RBFOX1: variants seen among roughly 807,000 people sequenced by gnomAD.
The protein encoded by RBFOX1 is RNA binding protein fox-1 homolog 1.
RBFOX1 carries 8 observed loss-of-function variants against 57.7 expected under a neutral mutation model. The observed-to-expected ratio is 0.14, with a 90% confidence interval of 0.08 to 0.25. The LOEUF (loss-of-function observed/expected upper bound fraction) is 0.25. Among genes scored for constraint, RBFOX1 ranks in the 10% least tolerant of loss-of-function variants. RBFOX1 has a pLI of 1.00. For synonymous variants in RBFOX1, 326 were observed against 222.4 expected (o/e 1.47, Z -4.15); for missense variants, 611 against 548.5 (o/e 1.11, Z -1.14).
intron 3 of RBFOX1, among the ~76,000 whole-genome samples, chr16:5,654,939 G>A (rs1173153659): frequency 6.6e-6 from 1 of 152,028 alleles, no homozygotes; most frequent in Non-Finnish European, 1.5e-5. Context: ...CAGCATCCAG[G>A]ACAGCTCCCC....
chr16:6,750,998 G>C (rs1310166606), intron 3 of RBFOX1, among the ~76,000 whole-genome samples: 1 of 152,084 alleles, frequency 6.6e-6, no homozygotes, highest in Non-Finnish European at 1.5e-5. Flanking sequence ...AAAGAGGAAG[G>C]ATCATTAGAA....
intron 13 of RBFOX1, among the ~76,000 whole-genome samples, chr16:7,671,029 C>T (rs982537637): frequency 5.3e-5 from 8 of 152,120 alleles, no homozygotes; most frequent in Admixed American, 5.2e-4. Context: ...TAAAAGGAGC[C>T]ATCGTAGCTT....
chr16:5,543,931 A>T (rs559555580), intron 2 of RBFOX1, among the ~76,000 whole-genome samples: 134 of 152,348 alleles, frequency 8.8e-4, no homozygotes, highest in African/African-American at 3.1e-3. Context: ...AGAAAGTCCA[A>T]ACCTGAAATA....
intron 1 of RBFOX1, among the ~76,000 whole-genome samples, chr16:6,053,826 G>A (rs1270495808): frequency 6.6e-6 from 1 of 152,114 alleles, no homozygotes; most frequent in Non-Finnish European, 1.5e-5. Flanking sequence ...GGGAGGCTGA[G>A]GCAGGAGGAT....
intron 3 of RBFOX1, among the ~76,000 whole-genome samples, chr16:5,617,291 C>G (rs2048060526): frequency 6.6e-6 from 1 of 152,162 alleles, no homozygotes; most frequent in African/African-American, 2.4e-5. Context: ...GACTCAGGTT[C>G]AATGCTGCCC....
intron 4 of RBFOX1, among the ~76,000 whole-genome samples, chr16:7,268,309 G>C (rs1240888529): frequency 1.3e-5 from 2 of 152,194 alleles, no homozygotes; most frequent in African/African-American, 2.4e-5. Flanking sequence ...GGAACGGACA[G>C]TAGGGGGCAA....
rs571338822 is a variant in RBFOX1, at chr16:6,919,270, G to A, written c.-15-132787G>A. ...AGTGCTGGGCTGGGATTACAGGTGT[G>A]AGCCATGGCGCCTGGCCCAAGAGGT... On this transcript the variant is annotated intron_variant, in intron 3 of 15. Coordinates refer to ENST00000550418, the MANE Select transcript of RBFOX1 (RefSeq NM_018723.4). 7.2e-4 allele frequency among the ~76,000 whole-genome samples: 110 copies of A among 152,234 alleles called. 1 individual carries two copies. The South Asian group carries it at 8.3e-3, about 12-fold the overall frequency.
chr16:6,289,918 G>T (rs2077291715), intron 1 of RBFOX1, among the ~76,000 whole-genome samples: 1 of 151,822 alleles, frequency 6.6e-6, no homozygotes, highest in Non-Finnish European at 1.5e-5. Flanking sequence ...AGAGAAATCT[G>T]AATGCCTTTG....
intron 2 of RBFOX1, among the ~76,000 whole-genome samples, chr16:5,534,247 AC>A (rs1567202431): frequency 1.3e-5 from 2 of 152,134 alleles, no homozygotes; most frequent in African/African-American, 4.8e-5. Context: ...CAAGTCATAT[AC>A]TGTATTAGAG....
intron 4 of RBFOX1, among the ~76,000 whole-genome samples, chr16:7,117,213 T>C (rs888852380): frequency 1.3e-5 from 2 of 152,132 alleles, no homozygotes; most frequent in South Asian, 2.1e-4. Flanking sequence ...TTGGGCTTTG[T>C]AACAAGGGCA....
Position 7,103,071 on chromosome 16 carries a change from C to CAA in RBFOX1, c.27+50984_27+50985dup, listed in dbSNP as rs397767938. ...TAATTCCCTAATTCTATCTTTGCCTCAAAAAAAAAAAATGCAACACTCTGT... is the reference window on the plus strand; with the variant it reads ...TAATTCCCTAATTCTATCTTTGCCTCAAAAAAAAAAAAAATGCAACACTCTGT... On this transcript the variant is annotated intron_variant, in intron 4 of 15. Transcript: ENST00000550418. 5.9e-3 allele frequency among the ~76,000 whole-genome samples: 863 copies of CAA among 147,012 alleles called. 4 individuals carry two copies. Among genetic ancestry groups the CAA allele is most frequent in the African/African-American group, 9.6e-3 (387 of 40,180 alleles).
At chr16:6,137,790 G>C (rs2096678949) in intron 1 of RBFOX1, among the ~76,000 whole-genome samples, 1 of 151,604 alleles carries the variant, frequency 6.6e-6, no homozygotes, top group Non-Finnish European at 1.5e-5. Context: ...AAAATTTTTT[G>C]TAGAGACAGG....
intron 3 of RBFOX1, among the ~76,000 whole-genome samples, chr16:5,708,477 T>C (rs2051333065): frequency 6.6e-6 from 1 of 152,210 alleles, no homozygotes; most frequent in East Asian, 1.9e-4. Context: ...AGGCTATTAG[T>C]AGATCCACCT....
chr16:6,025,539 C>T (rs1345977915), intron 1 of RBFOX1, among the ~76,000 whole-genome samples: 1 of 152,186 alleles, frequency 6.6e-6, no homozygotes, highest in African/African-American at 2.4e-5. Context: ...ACCCTCCCAC[C>T]ACCACATCCT....
chr16:7,309,676 C>G (rs1463261045), intron 4 of RBFOX1, among the ~76,000 whole-genome samples: 2 of 152,192 alleles, frequency 1.3e-5, no homozygotes, highest in African/African-American at 4.8e-5. Context: ...CAAGAGGAAA[C>G]ATAATGCTTG....
intron 4 of RBFOX1, among the ~76,000 whole-genome samples, chr16:7,475,646 A>G (rs999997291): frequency 2.0e-5 from 3 of 152,016 alleles, no homozygotes; most frequent in Non-Finnish European, 4.4e-5. Context: ...GATAGCTAAG[A>G]TCATGTTTCT....
At chr16:5,423,343 T>G (rs1263036998) in intron 1 of RBFOX1, among the ~76,000 whole-genome samples, 3 of 152,144 alleles carry the variant, frequency 2.0e-5, no homozygotes, top group Admixed American at 6.5e-5. Flanking sequence ...CATATTTGTG[T>G]GTGTGGTTCT....
intron 4 of RBFOX1, among the ~76,000 whole-genome samples, chr16:7,296,259 CTTTTT>C (rs33997825): frequency 8.4e-6 from 1 of 119,760 alleles, no homozygotes; most frequent in Non-Finnish European, 1.8e-5. Context: ...TTATGTCCTC[CTTTTT>C]TTTTTTTTTT....
chr16:7,475,895 A>G (rs1413257719), intron 4 of RBFOX1, among the ~76,000 whole-genome samples: 2 of 152,228 alleles, frequency 1.3e-5, no homozygotes, highest in Admixed American at 1.3e-4. Context: ...AAGTGGGGTA[A>G]GAAGTTCACA....
Sources: gnomAD v4.1 joint callset for allele counts (sites outside exome capture counted in the v4.1 genomes callset) on GRCh38, gnomAD v4.1.1 for gene constraint, MANE v1.5 for transcripts, NCBI Gene and HGNC (gene_info 2026-07-23, HGNC 2026-07-21) for gene names.